The following NSF variants were observed in gnomAD, a reference collection of about 807,000 sequenced individuals.
NSF encodes N-ethylmaleimide sensitive factor, vesicle fusing ATPase, also known as vesicle-fusing ATPase.
A neutral mutation model predicts 50.3 loss-of-function variants in NSF; 14 were observed. That is an observed-to-expected ratio of 0.28 (90% confidence interval 0.18 to 0.44). NSF has a LOEUF of 0.44. Among genes scored for constraint, NSF ranks in the 20% least tolerant of loss-of-function variants. The probability of loss-of-function intolerance (pLI) is 1.00; values close to 1 mark genes in which losing one functional copy is unlikely to be tolerated. For missense variants in NSF, 218 were observed against 504.3 expected (o/e 0.43, Z 5.44); for synonymous variants, 109 against 175.7 (o/e 0.62, Z 3.00).
rs1491546454 is a variant in NSF, at chr17:46,610,043, CTT to C, written c.13-14199_13-14198del. 3.9e-3 allele frequency among the ~76,000 whole-genome samples: 291 copies of C among 73,802 alleles called. 9 individuals carry two copies. Among genetic ancestry groups the C allele is most frequent in the Middle Eastern group, 0.021 (3 of 140 alleles). 48.4% of individuals were successfully genotyped at this position (73,802 alleles called of 152,430 possible). A position where few individuals can be genotyped will look rare whatever the true frequency, so the allele number is the denominator to read the frequency against. On this transcript the variant is annotated intron_variant, in intron 1 of 20. Transcript: ENST00000398238. ...TTTCTTTCTTTCTCTCTCTCTCTCT[CTT>C]TCTTTCTTTCTTTCTTTCTTTCCTT...
At chr17:46,710,055 G>A (rs145482035) in intron 13 of NSF, among the ~76,000 whole-genome samples, 2,023 of 152,254 alleles carry the variant, frequency 0.013, 42 homozygotes, top group African/African-American at 0.046. Context: ...TGAGGTGCAT[G>A]TTCTAAAGAA....
chr17:46,718,372 C>A (rs989385699), intron 15 of NSF, among the ~76,000 whole-genome samples: 2 of 151,990 alleles, frequency 1.3e-5, no homozygotes, highest in Admixed American at 1.3e-4. Context: ...AAAATAACTA[C>A]AAGAGTGGAA....
intron 8 of NSF, among the ~76,000 whole-genome samples, chr17:46,655,827 C>G (rs2058257587): frequency 1.8e-5 from 1 of 56,132 alleles, no homozygotes; most frequent in Non-Finnish European, 3.0e-5. Flanking sequence ...GATACTGTGT[C>G]AGACCAAGGA....
chr17:46,605,924 C>T (rs1161409083), intron 1 of NSF, among the ~76,000 whole-genome samples: 1 of 38,670 alleles, frequency 2.6e-5, no homozygotes, highest in Admixed American at 6.1e-4. Context: ...CTGAGGTGGG[C>T]GGATCACCTG....
Position 46,749,920 on chromosome 17 carries a change from C to G in NSF, c.2043+13C>G. On this transcript the variant is annotated intron_variant, in intron 18 of 20. Coordinates refer to ENST00000398238, the MANE Select transcript of NSF (RefSeq NM_006178.4). ...GGAAGCTTTGGAGGTAAAAATGAGT[C>G]AATGGATTGCACACTGTTTATAAGA... is the stretch of plus-strand genomic sequence containing the variant. The G allele has an allele frequency of 6.2e-7, 1 of 1,613,062 alleles. No homozygotes were observed. Among genetic ancestry groups the G allele is most frequent in the Non-Finnish European group, 8.5e-7 (1 of 1,179,478 alleles).
At chr17:46,733,521 A>G (rs986693903) in intron 17 of NSF, among the ~76,000 whole-genome samples, 2 of 152,188 alleles carry the variant, frequency 1.3e-5, no homozygotes, top group African/African-American at 2.4e-5. Context: ...CCTCATCTGT[A>G]TGTAACAGGG....
chr17:46,726,049 TCCTTCATACTCAA>T (rs751889231), intron 15 of NSF, among the ~76,000 whole-genome samples: 10 of 152,226 alleles, frequency 6.6e-5, no homozygotes, highest in African/African-American at 1.2e-4. Context: ...ATCTATCTGA[TCCTTCATACTCAA>T]CCTTTAATTC....
At chr17:46,728,984 A>T in intron 17 of NSF, 50 bp downstream of exon 17, 2 of 1,110,582 alleles carry the variant, frequency 1.8e-6, no homozygotes. Context: ...GTTTTTCAGT[A>T]AATCGCATAT....
chr17:46,733,446 A>G (rs2058969999), intron 17 of NSF, among the ~76,000 whole-genome samples: 1 of 152,134 alleles, frequency 6.6e-6, no homozygotes, highest in South Asian at 2.1e-4. Context: ...GTGTGAGAGT[A>G]GTTAAGCCTA....
intron 3 of NSF, among the ~76,000 whole-genome samples, chr17:46,627,488 A>C (rs952541673): frequency 2.9e-5 from 4 of 139,264 alleles, no homozygotes; most frequent in Admixed American, 7.3e-5. Flanking sequence ...ATTCTGTAGA[A>C]TCCAGAGAAT....
At chr17:46,718,503 T>C (rs2058796832) in intron 15 of NSF, among the ~76,000 whole-genome samples, 1 of 152,222 alleles carries the variant, frequency 6.6e-6, no homozygotes, top group African/African-American at 2.4e-5. Context: ...TAAATATGTA[T>C]AACTATTATG....
At chr17:46,735,586 G>A (rs971532958) in intron 17 of NSF, among the ~76,000 whole-genome samples, 1 of 152,082 alleles carries the variant, frequency 6.6e-6, no homozygotes, top group Non-Finnish European at 1.5e-5. Flanking sequence ...AATTCCTCAT[G>A]TGTTACCTAC....
intron 14 of NSF, among the ~76,000 whole-genome samples, chr17:46,711,923 T>C (rs1384093724): frequency 6.6e-6 from 1 of 152,154 alleles, no homozygotes; most frequent in Non-Finnish European, 1.5e-5. Flanking sequence ...GAGATTATCC[T>C]GACATGAGAC....
At chr17:46,720,427 A>AT (rs1482527450) in intron 15 of NSF, among the ~76,000 whole-genome samples, 1 of 151,958 alleles carries the variant, frequency 6.6e-6, no homozygotes, top group Non-Finnish European at 1.5e-5. Flanking sequence ...AAAATGTAAG[A>AT]TTTTTTCCTG....
At position 46,709,822 on chromosome 17, in the gene NSF, G is replaced by A. The variant is rs538639523; in HGVS notation, c.1471-1141G>A. Among the ~76,000 whole-genome samples, 23 of 152,234 alleles carry A rather than the reference G, an allele frequency of 1.5e-4. No individual in the cohort carries two copies. In the South Asian group the frequency reaches 4.8e-3, roughly 32 times the overall value. The stretch of plus-strand genomic sequence containing the variant: ...GAAAATTTCTTAGAACAGCCATTTA[G>A]CCAGTTTGGATTAGTTTCATCATTA... On this transcript the variant is annotated intron_variant, in intron 13 of 20. Coordinates refer to ENST00000398238, the MANE Select transcript of NSF (RefSeq NM_006178.4).
At chr17:46,675,659 C>CAT (rs1210029014) in intron 9 of NSF, among the ~76,000 whole-genome samples, 3 of 129,952 alleles carry the variant, frequency 2.3e-5, no homozygotes, top group Admixed American at 8.5e-5. Context: ...CACACACACA[C>CAT]ACACGAACAT....
intron 17 of NSF, among the ~76,000 whole-genome samples, chr17:46,735,144 T>C (rs530234033): frequency 6.6e-6 from 1 of 152,166 alleles, no homozygotes; most frequent in Non-Finnish European, 1.5e-5. Context: ...CAAAATAGGG[T>C]TTTGTTTTGG....
chr17:46,721,657 A>C, intron 15 of NSF: 1 of 1,602,422 alleles, frequency 6.2e-7, no homozygotes, highest in Non-Finnish European at 8.5e-7. Flanking sequence ...AAAAAGTTTC[A>C]ACCTTGTGTT....
chr17:46,728,510 T>C (rs1174270842), intron 16 of NSF, among the ~76,000 whole-genome samples: 1 of 151,938 alleles, frequency 6.6e-6, no homozygotes, highest in Non-Finnish European at 1.5e-5. Context: ...CAACCTATAA[T>C]CCCAGCTACC....
Sources: allele counts gnomAD v4.1 joint callset (sites outside exome capture counted in the v4.1 genomes callset), GRCh38; gene constraint gnomAD v4.1.1; transcripts MANE v1.5; gene names NCBI Gene and HGNC (gene_info 2026-07-23, HGNC 2026-07-21).